The following APBB1IP variants were observed in gnomAD, a reference collection of about 807,000 sequenced individuals.
APBB1IP encodes the protein amyloid beta precursor protein binding family B member 1 interacting protein.
APBB1IP carries 27 observed loss-of-function variants against 64.9 expected under a neutral mutation model. The observed-to-expected ratio is 0.42, with a 90% confidence interval of 0.31 to 0.57. The LOEUF (loss-of-function observed/expected upper bound fraction) is 0.57. Among genes scored for constraint, APBB1IP ranks in the 20% least tolerant of loss-of-function variants. The pLI is 0.20. For missense variants in APBB1IP, 812 were observed against 845.5 expected (o/e 0.96, Z 0.49); for synonymous variants, 392 against 331.0 (o/e 1.18, Z -2.00).
At chr10:26,484,395 C>T (rs1051942905) in intron 2 of APBB1IP, among the ~76,000 whole-genome samples, 3 of 152,144 alleles carry the variant, frequency 2.0e-5, no homozygotes, top group Admixed American at 6.5e-5. Flanking sequence ...CTCCGCCTCC[C>T]GGGTTCAAGC....
chr10:26,527,417 T>G (rs1173348051), intron 8 of APBB1IP, among the ~76,000 whole-genome samples: 1 of 151,856 alleles, frequency 6.6e-6, no homozygotes, highest in Non-Finnish European at 1.5e-5. Flanking sequence ...TGTGATGGCA[T>G]GCACTTGTGG....
intron 2 of APBB1IP, among the ~76,000 whole-genome samples, chr10:26,485,428 T>C (rs777773479): frequency 7.9e-5 from 12 of 152,172 alleles, no homozygotes; most frequent in Non-Finnish European, 1.5e-4. Flanking sequence ...TTCTCATTAG[T>C]CTGGGAAGCT....
At chr10:26,497,287 C>T (rs1244342108) in intron 4 of APBB1IP, among the ~76,000 whole-genome samples, 1 of 152,220 alleles carries the variant, frequency 6.6e-6, no homozygotes, top group Non-Finnish European at 1.5e-5. Context: ...CGCAGTGGCT[C>T]ACGCCTGAAA....
intron 14 of APBB1IP, among the ~76,000 whole-genome samples, chr10:26,563,147 T>G (rs1295355127): frequency 6.6e-6 from 1 of 152,146 alleles, no homozygotes; most frequent in Non-Finnish European, 1.5e-5. Flanking sequence ...CTATATGAAG[T>G]GCTAACTGGC....
intron 2 of APBB1IP, among the ~76,000 whole-genome samples, chr10:26,440,652 A>G (rs1835329255): frequency 6.9e-6 from 1 of 145,062 alleles, no homozygotes; most frequent in Admixed American, 7.2e-5. Flanking sequence ...TTATGGCATT[A>G]CTTTAAATCT....
chr10:26,520,441 T>TA (rs1210157741), intron 8 of APBB1IP, among the ~76,000 whole-genome samples: 2 of 152,210 alleles, frequency 1.3e-5, no homozygotes, highest in African/African-American at 2.4e-5. Context: ...TATCAAACTG[T>TA]AAAAAACTCT....
In APBB1IP at chr10:26,539,386, G is replaced by T. The variant is rs544592034; in HGVS notation, c.1045-2196G>T. Reference sequence around the variant, plus strand: ...ATGTTCGTGCCACTGCACTCCAGCTGAAGTGACAATATGAGATCCTGAAAA... The same window carrying T: ...ATGTTCGTGCCACTGCACTCCAGCTTAAGTGACAATATGAGATCCTGAAAA... On this transcript the variant is annotated intron_variant, in intron 10 of 14. Transcript: ENST00000376236. 1.1e-3 allele frequency among the ~76,000 whole-genome samples: 134 copies of T among 126,118 alleles called. 4 individuals carry two copies. The South Asian group carries it at 0.028, about 27-fold the overall frequency. 82.7% of individuals were successfully genotyped at this position (126,118 alleles called of 152,430 possible). A position where few individuals can be genotyped will look rare whatever the true frequency, so the allele number is the denominator to read the frequency against.
At chr10:26,546,614 T>C (rs907814148) in intron 11 of APBB1IP, among the ~76,000 whole-genome samples, 1 of 152,206 alleles carries the variant, frequency 6.6e-6, no homozygotes, top group African/African-American at 2.4e-5. Flanking sequence ...TACCTTGCAG[T>C]AGTGTACCAG....
chr10:26,545,754 C>A lies in APBB1IP; in HGVS notation c.1155+4062C>A, dbSNP rs1166381024. Among the ~76,000 whole-genome samples the A allele has an allele frequency of 2.2e-5, 3 of 134,664 alleles. No individual in the cohort carries two copies. In the East Asian group the frequency reaches 6.7e-4, roughly 30 times the overall value. The allele number at this position is 134,664 out of a possible 152,430, so 88.3% of individuals were successfully genotyped here. A position where few individuals can be genotyped will look rare whatever the true frequency, so the allele number is the denominator to read the frequency against. On this transcript the variant is annotated intron_variant, in intron 11 of 14. Transcript: ENST00000376236. ...CAGCCTGGGCGACAGAGCGAGACTC[C>A]GTCTCAAAAAAAAAACAAACAAACA...
chr10:26,550,168 G>T (rs1475417029), intron 11 of APBB1IP, among the ~76,000 whole-genome samples: 1 of 151,094 alleles, frequency 6.6e-6, no homozygotes, highest in East Asian at 1.9e-4. Flanking sequence ...TTTTCTTGCT[G>T]CTTTCAGGTG....
intron 2 of APBB1IP, among the ~76,000 whole-genome samples, chr10:26,468,545 C>T (rs1417925439): frequency 1.3e-5 from 2 of 152,140 alleles, no homozygotes; most frequent in African/African-American, 2.4e-5. Context: ...TGTATATGTT[C>T]GTGGGTTCCC....
chr10:26,504,714 A>G (rs1026083587), intron 6 of APBB1IP, among the ~76,000 whole-genome samples: 14 of 151,780 alleles, frequency 9.2e-5, no homozygotes, highest in Non-Finnish European at 1.9e-4. Flanking sequence ...CATCTCAAAA[A>G]AAAAAATTAA....
intron 4 of APBB1IP, 92 bp from the exon 5 acceptor site, chr10:26,500,727 T>C: frequency 8.2e-7 from 1 of 1,223,072 alleles, no homozygotes; most frequent in Non-Finnish European, 1.1e-6. Context: ...ATGATTCCTT[T>C]CTACTCAAAT....
At chr10:26,515,880 C>T (rs1235740592) in intron 8 of APBB1IP, among the ~76,000 whole-genome samples, 1 of 152,144 alleles carries the variant, frequency 6.6e-6, no homozygotes, top group African/African-American at 2.4e-5. Flanking sequence ...TCCCTTTAGG[C>T]TGGATCTAGA....
At chr10:26,471,464 A>G (rs573790579) in intron 2 of APBB1IP, among the ~76,000 whole-genome samples, 21 of 152,324 alleles carry the variant, frequency 1.4e-4, no homozygotes, top group Admixed American at 7.2e-4. Flanking sequence ...ATCTTTGAGG[A>G]GGAAGGGAGA....
chr10:26,458,427 A>G (rs1172421789), intron 2 of APBB1IP, among the ~76,000 whole-genome samples: 1 of 151,052 alleles, frequency 6.6e-6, no homozygotes. Flanking sequence ...GGAAGGAAGG[A>G]AGGGAGGGAG....
At position 26,531,120 on chromosome 10, in the gene APBB1IP, A is replaced by T. The variant is rs183389391; in HGVS notation, c.814-2319A>T. 7.3e-3 allele frequency among the ~76,000 whole-genome samples: 1,115 copies of T among 152,134 alleles called. 11 individuals carry two copies. The highest frequency in any genetic ancestry group is 8.5e-3 in the Non-Finnish European group (576 of 67,978). ...GTAATCCTAGCACTTTGGGAGGCTG[A>T]GGGGGGCAGTTTGAGACCAGCCTGG... On this transcript the variant is annotated intron_variant, in intron 8 of 14. Coordinates refer to ENST00000376236, the MANE Select transcript of APBB1IP (RefSeq NM_019043.4).
rs1181046452 is a variant in APBB1IP, at chr10:26,567,493, G to A, written c.*5G>A. The A allele has an allele frequency of 3.8e-6, 6 of 1,562,558 alleles. No individual in the cohort carries two copies. The highest frequency in any genetic ancestry group is 2.2e-5 in the South Asian group (2 of 90,506). ...AAGAGAGGCAACGTGTCCTAGGGAC[G>A]GGCATGATGAGTGTTCCAGAGGGAG... On this transcript the variant is annotated 3_prime_UTR_variant, in exon 15 of 15. Transcript: ENST00000376236.
At chr10:26,442,781 T>G (rs914189601) in intron 2 of APBB1IP, among the ~76,000 whole-genome samples, 1 of 152,226 alleles carries the variant, frequency 6.6e-6, no homozygotes, top group Non-Finnish European at 1.5e-5. Flanking sequence ...TTTCCTGGTC[T>G]CCTTCCAATA....
Sources: gnomAD v4.1 joint callset for allele counts (sites outside exome capture counted in the v4.1 genomes callset) on GRCh38, gnomAD v4.1.1 for gene constraint, MANE v1.5 for transcripts, NCBI Gene and HGNC (gene_info 2026-07-23, HGNC 2026-07-21) for gene names.